Variants in ADGRB3 observed in about 807,000 individuals in gnomAD.
The protein encoded by ADGRB3 is brain-specific angiogenesis inhibitor 3.
A neutral mutation model predicts 193.4 loss-of-function variants in ADGRB3; 37 were observed. The observed-to-expected ratio is 0.19, with a 90% CI of 0.15 to 0.25. ADGRB3 has a LOEUF of 0.25. Ranked by LOEUF, ADGRB3 falls within the 10% of genes least tolerant of loss-of-function variation. ADGRB3 has a pLI of 1.00. For missense variants in ADGRB3, 1,637 were observed against 1,852.9 expected (o/e 0.88, Z 2.14); for synonymous variants, 690 against 644.2 (o/e 1.07, Z -1.08).
intron 8 of ADGRB3, among the ~76,000 whole-genome samples, chr6:68,971,332 G>A (rs1328778957): frequency 6.6e-6 from 1 of 152,076 alleles, no homozygotes; most frequent in Non-Finnish European, 1.5e-5. Flanking sequence ...TCATACCTTG[G>A]TTCCAGGACC....
intron 23 of ADGRB3, chr6:69,332,350 A>T (rs976644916): frequency 1.0e-6 from 1 of 985,314 alleles, no homozygotes; most frequent in African/African-American, 1.7e-5. Context: ...CATTGTGAAA[A>T]AGATTCTGGT....
chr6:68,922,859 G>T (rs1046491019), intron 3 of ADGRB3, among the ~76,000 whole-genome samples: 18 of 152,020 alleles, frequency 1.2e-4, no homozygotes, highest in Admixed American at 1.0e-3. Context: ...ATTATTTGTA[G>T]ATCTCTCTAT....
intron 8 of ADGRB3, among the ~76,000 whole-genome samples, chr6:68,965,157 G>A (rs1356448468): frequency 1.3e-5 from 2 of 152,172 alleles, no homozygotes; most frequent in African/African-American, 4.8e-5. Flanking sequence ...TGATATAATT[G>A]TATGTTGTTT....
intron 17 of ADGRB3, among the ~76,000 whole-genome samples, chr6:69,164,988 C>T (rs1775094865): frequency 6.6e-6 from 1 of 152,006 alleles, no homozygotes; most frequent in East Asian, 1.9e-4. Flanking sequence ...ATGCCCCACC[C>T]CTCCTCCCTC....
At chr6:69,094,636 A>C (rs530180307) in intron 17 of ADGRB3, among the ~76,000 whole-genome samples, 1 of 152,320 alleles carries the variant, frequency 6.6e-6, no homozygotes, top group South Asian at 2.1e-4. Flanking sequence ...ATTCTACCAA[A>C]TGTGTTTATT....
intron 3 of ADGRB3, among the ~76,000 whole-genome samples, chr6:68,841,352 C>A (rs1768155378): frequency 6.6e-6 from 1 of 152,048 alleles, no homozygotes. Flanking sequence ...TATGTTAAGC[C>A]ACAAAACAAG....
intron 3 of ADGRB3, among the ~76,000 whole-genome samples, chr6:68,840,678 G>A (rs1768139394): frequency 6.9e-6 from 1 of 144,134 alleles, no homozygotes; most frequent in Non-Finnish European, 1.5e-5. Context: ...AAGAGGTAGG[G>A]AGGATCACAA....
At chr6:68,884,190 C>A (rs1057325801) in intron 3 of ADGRB3, among the ~76,000 whole-genome samples, 2 of 152,118 alleles carry the variant, frequency 1.3e-5, no homozygotes, top group Non-Finnish European at 2.9e-5. Context: ...AACATATACT[C>A]TTTCACTTCC....
chr6:69,239,559 G>A (rs1213324125), intron 20 of ADGRB3, among the ~76,000 whole-genome samples: 1 of 151,988 alleles, frequency 6.6e-6, no homozygotes, highest in Middle Eastern at 3.2e-3. Context: ...AGATCTAATT[G>A]TAACAGGATA....
chr6:68,861,573 T>A (rs557143716), intron 3 of ADGRB3, among the ~76,000 whole-genome samples: 32 of 151,874 alleles, frequency 2.1e-4, no homozygotes, highest in Admixed American at 6.6e-4. Context: ...AAAAAAAAAA[T>A]AAATAAATAA....
intron 17 of ADGRB3, among the ~76,000 whole-genome samples, chr6:69,186,634 C>T (rs1174711001): frequency 1.3e-5 from 2 of 151,894 alleles, no homozygotes; most frequent in Non-Finnish European, 2.9e-5. Context: ...TTGAATAAAC[C>T]TGTGTTAAAC....
intron 17 of ADGRB3, among the ~76,000 whole-genome samples, chr6:69,100,843 AGG>A (rs1773015590): frequency 9.0e-6 from 1 of 110,536 alleles, no homozygotes; most frequent in African/African-American, 3.2e-5. Flanking sequence ...GGAAGGAAGG[AGG>A]GAGGGAGGGA....
At chr6:69,299,100 T>C (rs564759269) in intron 20 of ADGRB3, among the ~76,000 whole-genome samples, 1 of 152,100 alleles carries the variant, frequency 6.6e-6, no homozygotes, top group East Asian at 1.9e-4. Flanking sequence ...GATATCTTAT[T>C]GTAGTTTTGA....
chr6:69,006,593 C>T (rs1769762338), intron 11 of ADGRB3, among the ~76,000 whole-genome samples: 2 of 151,438 alleles, frequency 1.3e-5, no homozygotes, highest in South Asian at 4.2e-4. Context: ...GTAACCTATG[C>T]TTCCTGAGTT....
intron 3 of ADGRB3, among the ~76,000 whole-genome samples, chr6:68,911,928 G>A (rs1476320027): frequency 6.6e-6 from 1 of 150,588 alleles, no homozygotes; most frequent in African/African-American, 2.4e-5. Flanking sequence ...TTGTTTTTGA[G>A]GTCAATCTAG....
chr6:69,237,274 G>T (rs1401935185), intron 19 of ADGRB3, among the ~76,000 whole-genome samples: 1 of 151,812 alleles, frequency 6.6e-6, no homozygotes, highest in Admixed American at 6.6e-5. Flanking sequence ...TAGAAATTTT[G>T]ATTTCTAAGG....
intron 10 of ADGRB3, among the ~76,000 whole-genome samples, chr6:68,977,138 CA>C (rs1182152925): frequency 1.3e-5 from 2 of 149,306 alleles, no homozygotes; most frequent in Non-Finnish European, 3.0e-5. Context: ...TATTTAGAGA[CA>C]AAAATATATA....
At chr6:68,830,658 G>A (rs575854272) in intron 3 of ADGRB3, among the ~76,000 whole-genome samples, 88 of 152,158 alleles carry the variant, frequency 5.8e-4, no homozygotes, top group Middle Eastern at 3.4e-3. Flanking sequence ...AAGAAGTCAA[G>A]GTTATGAGAG....
At chr6:69,371,266 G>A (rs1307824198) in intron 29 of ADGRB3, among the ~76,000 whole-genome samples, 1 of 152,068 alleles carries the variant, frequency 6.6e-6, no homozygotes, top group African/African-American at 2.4e-5. Context: ...ATTCTGTAAT[G>A]ACAATTTTAA....
Sources: gnomAD v4.1 joint callset for allele counts (sites outside exome capture counted in the v4.1 genomes callset) on GRCh38, gnomAD v4.1.1 for gene constraint, MANE v1.5 for transcripts, NCBI Gene and HGNC (gene_info 2026-07-23, HGNC 2026-07-21) for gene names.